Variants in RSF1 observed in about 807,000 individuals in gnomAD.
RSF1 encodes remodeling and spacing factor 1.
Under a neutral mutation model 145.2 loss-of-function variants are expected in RSF1, and 13 were observed. The observed-to-expected ratio is 0.09, with a 90% CI of 0.06 to 0.14. The LOEUF is 0.14. RSF1 is among the 10% of genes least tolerant of loss of function. The pLI is 1.00. For synonymous variants in RSF1, 577 were observed against 592.6 expected (o/e 0.97, Z 0.38); for missense variants, 1,517 against 1,718.2 (o/e 0.88, Z 2.07).
chr11:77,821,181 G>T (rs1313977706), upstream of RSF1: 2 of 359,400 alleles, frequency 5.6e-6, no homozygotes, highest in East Asian at 4.4e-5. Context: ...CGCTGGGAGC[G>T]TAAGTGCGGG....
At chr11:77,685,985 A>G (rs1398773622) in intron 9 of RSF1, among the ~76,000 whole-genome samples, 1 of 152,240 alleles carries the variant, frequency 6.6e-6, no homozygotes, top group African/African-American at 2.4e-5. Context: ...AAAGCAATGC[A>G]GACGTATAGC....
chr11:77,869,962 T>C, the RSF1 span: 1 of 649,150 alleles, frequency 1.5e-6, no homozygotes. Context: ...GCTGCACACA[T>C]TCCTCTGCCT....
chr11:77,684,486 T>C (rs1383351794), intron 10 of RSF1, among the ~76,000 whole-genome samples: 2 of 152,134 alleles, frequency 1.3e-5, no homozygotes, highest in African/African-American at 4.8e-5. Context: ...TCATTTTACA[T>C]AAACAGCATG....
At chr11:77,729,434 T>C (rs1961141176) in intron 4 of RSF1, among the ~76,000 whole-genome samples, 2 of 152,218 alleles carry the variant, frequency 1.3e-5, no homozygotes, top group African/African-American at 4.8e-5. Flanking sequence ...TTCAATGAAA[T>C]GGAACACGTC....
chr11:77,779,477 G>A (rs1948381965), intron 1 of RSF1, among the ~76,000 whole-genome samples: 1 of 151,516 alleles, frequency 6.6e-6, no homozygotes. Flanking sequence ...CCGCCTCCTG[G>A]GTTCAAGCCA....
chr11:77,782,410 G>A (rs912194530), intron 1 of RSF1, among the ~76,000 whole-genome samples: 23 of 152,142 alleles, frequency 1.5e-4, no homozygotes, highest in South Asian at 8.3e-4. Flanking sequence ...GTGTGGTGGC[G>A]CGCACCTGTA....
intron 1 of RSF1, among the ~76,000 whole-genome samples, chr11:77,814,169 C>T (rs1323822352): frequency 6.7e-6 from 1 of 149,404 alleles, no homozygotes; most frequent in African/African-American, 2.5e-5. Flanking sequence ...CACTGCACTC[C>T]AGCCTGGGCC....
the RSF1 span, chr11:77,866,774 G>A: frequency 2.6e-5 from 4 of 151,862 alleles, no homozygotes; most frequent in African/African-American, 7.3e-5. Flanking sequence ...ATGTAAATAT[G>A]TAAGACATTA....
chr11:77,853,244 T>C, the RSF1 span, among the ~76,000 whole-genome samples: 1 of 152,206 alleles, frequency 6.6e-6, no homozygotes, highest in Non-Finnish European at 1.5e-5. Context: ...CATTCTTGCA[T>C]TGCTATAAAG....
intron 2 of RSF1, chr11:77,761,902 C>T (rs760977077): frequency 6.9e-6 from 1 of 145,108 alleles, no homozygotes; most frequent in East Asian, 2.0e-4. Flanking sequence ...ACGATCTTGG[C>T]TCACTGCAGC....
At chr11:77,794,689 G>A (rs1360011208) in intron 1 of RSF1, among the ~76,000 whole-genome samples, 2 of 151,938 alleles carry the variant, frequency 1.3e-5, no homozygotes, top group Non-Finnish European at 2.9e-5. Flanking sequence ...AGGCATAGAA[G>A]GAATATACCT....
At chr11:77,732,816 T>A (rs957218349) in intron 4 of RSF1, among the ~76,000 whole-genome samples, 1 of 152,200 alleles carries the variant, frequency 6.6e-6, no homozygotes, top group African/African-American at 2.4e-5. Flanking sequence ...TTGCCCAGTC[T>A]TGGGTATGTC....
chr11:77,807,019 T>C (rs1030030194), intron 1 of RSF1, among the ~76,000 whole-genome samples: 3 of 152,252 alleles, frequency 2.0e-5, no homozygotes, highest in Admixed American at 1.3e-4. Context: ...ATAGAATTTA[T>C]TGTCAGTCAC....
the RSF1 span, among the ~76,000 whole-genome samples, chr11:77,853,994 T>A: frequency 2.2e-4 from 1 of 4,646 alleles, no homozygotes; most frequent in South Asian, 0.015. Context: ...CTCCAAATTC[T>A]TTTTTTTTTT....
chr11:77,672,186 G>A lies in RSF1; in HGVS notation c.3607C>T (p.Arg1203Trp), dbSNP rs200760420. 5 of 1,610,262 alleles carry A rather than the reference G, an allele frequency of 3.1e-6. No homozygotes were observed. The highest frequency in any genetic ancestry group is 1.1e-5 in the South Asian group (1 of 89,808). ...TGATTTCTCCTTGACCGCCTTCGCCGAGTTTCTACAAAATCATCACTAAAA... is the reference window on the plus strand; with the variant it reads ...TGATTTCTCCTTGACCGCCTTCGCCAAGTTTCTACAAAATCATCACTAAAA... Reference protein sequence around the residue: ...DDFSDDFVETRRRRSRRNQKR... With the variant: ...DDFSDDFVETWRRRSRRNQKR... The change falls in exon 15 of 16, where the codon CGG becomes TGG. Residue 1203 changes from arginine to tryptophan, a missense_variant. Physicochemically the swap from Arg to Trp is moderately radical, Grantham distance 101. Around this residue, in one of 12 missense-constraint regions of RSF1, gnomAD observed 231 missense variants for 276.6 expected, o/e 0.84. Coordinates refer to ENST00000308488, the MANE Select transcript of RSF1 (RefSeq NM_016578.4).
chr11:77,780,478 TA>T (rs1467165568), intron 1 of RSF1, among the ~76,000 whole-genome samples: 2 of 152,194 alleles, frequency 1.3e-5, no homozygotes, highest in Non-Finnish European at 2.9e-5. Flanking sequence ...GTGAGCTTGC[TA>T]ATTAATAGAT....
the RSF1 span, among the ~76,000 whole-genome samples, chr11:77,845,807 T>C: frequency 1.1e-4 from 17 of 152,196 alleles, no homozygotes; most frequent in African/African-American, 4.1e-4. Context: ...TGTTATACTT[T>C]CCTTTAGTTC....
intron 1 of RSF1, among the ~76,000 whole-genome samples, chr11:77,818,620 A>C (rs567574054): frequency 3.9e-5 from 6 of 152,182 alleles, no homozygotes; most frequent in African/African-American, 9.6e-5. Flanking sequence ...CTCTACTAAA[A>C]ATACAAAAAT....
At chr11:77,710,502 G>A (rs559834767) in intron 5 of RSF1, among the ~76,000 whole-genome samples, 29 of 152,220 alleles carry the variant, frequency 1.9e-4, no homozygotes, top group African/African-American at 7.0e-4. Context: ...CAAATCCACT[G>A]TCCTACAGTT....
Sources: gnomAD v4.1 joint callset for allele counts (sites outside exome capture counted in the v4.1 genomes callset) on GRCh38, gnomAD v4.1.1 for gene constraint, gnomAD v4.1.1 regional missense constraint, MANE v1.5 for transcripts, NCBI Gene and HGNC (gene_info 2026-07-23, HGNC 2026-07-21) for gene names.